The following DEUP1 variants were observed in gnomAD, a reference collection of about 807,000 sequenced individuals.
The protein encoded by DEUP1 is coiled-coil domain containing 67.
DEUP1 carries 82 observed loss-of-function variants against 87.4 expected under a neutral mutation model. The observed-to-expected ratio is 0.94, with a 90% CI of 0.78 to 1.13. The LOEUF (loss-of-function observed/expected upper bound fraction) is 1.13. DEUP1 is among the 50% of genes most tolerant of loss of function. The probability of loss-of-function intolerance (pLI) is 0.00; values close to 1 mark genes in which losing one functional copy is unlikely to be tolerated. For missense variants in DEUP1, 663 were observed against 681.5 expected (o/e 0.97, Z 0.30); for synonymous variants, 214 against 222.7 (o/e 0.96, Z 0.35).
chr11:93,380,945 C>T (rs12292127), intron 7 of DEUP1, among the ~76,000 whole-genome samples: 35,719 of 152,004 alleles, frequency 0.23, 4,599 homozygotes, highest in South Asian at 0.38. Context: ...TGTTGTAGAA[C>T]TAATGAAAAG....
chr11:93,341,216 G>A (rs1944054002), intron 2 of DEUP1, among the ~76,000 whole-genome samples: 1 of 150,740 alleles, frequency 6.6e-6, no homozygotes, highest in African/African-American at 2.4e-5. Context: ...CCAGGAGTTT[G>A]AGAACAGCCT....
intron 4 of DEUP1, among the ~76,000 whole-genome samples, chr11:93,363,639 G>T (rs1286232528): frequency 2.6e-5 from 4 of 151,670 alleles, no homozygotes; most frequent in African/African-American, 9.7e-5. Flanking sequence ...GTTATAAAAA[G>T]AATTATCATT....
intron 11 of DEUP1, among the ~76,000 whole-genome samples, chr11:93,404,026 T>A (rs1947197540): frequency 6.6e-6 from 1 of 152,042 alleles, no homozygotes; most frequent in African/African-American, 2.4e-5. Flanking sequence ...TCTAACCAAT[T>A]ATAGCTTTGA....
At chr11:93,367,624 T>A (rs1308219260) in intron 5 of DEUP1, among the ~76,000 whole-genome samples, 5 of 152,204 alleles carry the variant, frequency 3.3e-5, no homozygotes, top group Non-Finnish European at 5.9e-5. Flanking sequence ...CTTTCAAAAA[T>A]TTTTTTAAAT....
chr11:93,371,344 A>C, intron 7 of DEUP1, 64 bp downstream of exon 7: 1 of 1,453,366 alleles, frequency 6.9e-7, no homozygotes, highest in East Asian at 2.3e-5. Context: ...ACACATATAG[A>C]GATTAGAATG....
intron 2 of DEUP1, among the ~76,000 whole-genome samples, chr11:93,349,990 T>A (rs1053305124): frequency 1.2e-4 from 19 of 152,136 alleles, no homozygotes; most frequent in African/African-American, 4.3e-4. Context: ...GGAGACAGAA[T>A]AACTAAAAGT....
chr11:93,365,633 A>G (rs1945376960), intron 5 of DEUP1, among the ~76,000 whole-genome samples: 1 of 152,232 alleles, frequency 6.6e-6, no homozygotes, highest in Non-Finnish European at 1.5e-5. Flanking sequence ...TGCACATTTT[A>G]CATTTAGGAA....
intron 12 of DEUP1, among the ~76,000 whole-genome samples, chr11:93,410,693 T>G (rs1047951432): frequency 2.0e-5 from 3 of 152,212 alleles, no homozygotes; most frequent in Non-Finnish European, 4.4e-5. Flanking sequence ...ATACCAGGTG[T>G]TGTTATTTAA....
intron 2 of DEUP1, among the ~76,000 whole-genome samples, chr11:93,341,258 A>C (rs1040555233): frequency 2.6e-5 from 4 of 151,872 alleles, no homozygotes; most frequent in African/African-American, 9.7e-5. Context: ...TCTCTACAAA[A>C]AAAAAAAAAA....
At chr11:93,416,183 G>C (rs2446063) in intron 13 of DEUP1, among the ~76,000 whole-genome samples, 69,970 of 151,764 alleles carry the variant, frequency 0.46, 16,745 homozygotes, top group Admixed American at 0.6. Context: ...ACCAAAATCA[G>C]AGCAGAACTG....
chr11:93,389,390 T>C (rs1330478675), intron 9 of DEUP1, among the ~76,000 whole-genome samples: 2 of 152,194 alleles, frequency 1.3e-5, no homozygotes, highest in East Asian at 3.8e-4. Context: ...AGGTGGCTTA[T>C]AGCAAGAAAG....
Position 93,364,182 on chromosome 11 carries a change from T to C in DEUP1, c.320T>C (p.Phe107Ser), listed in dbSNP as rs1176640725. 10 of 1,594,662 alleles carry C rather than the reference T, an allele frequency of 6.3e-6. No individual in the cohort carries two copies. Among genetic ancestry groups the C allele is most frequent in the African/African-American group, 2.7e-5 (2 of 74,290 alleles). ...CAGTTTTCCAAACTAACAAATAACT[T>C]TGAAAAACTGAGATTACATCAGATG... ...KAQFSKLTNN[F>S]EKLRLHQMKQ... Residue 107 changes from phenylalanine (F) to serine (S), a missense_variant, in exon 5 of 14, where the codon TTT becomes TCT. Phe to Ser is a radical substitution (Grantham distance 155). Transcript: ENST00000298050.
At chr11:93,344,782 A>G (rs1944256442) in intron 2 of DEUP1, among the ~76,000 whole-genome samples, 1 of 152,162 alleles carries the variant, frequency 6.6e-6, no homozygotes, top group South Asian at 2.1e-4. Flanking sequence ...TCTGAAAGTC[A>G]TAATGGCATG....
intron 2 of DEUP1, among the ~76,000 whole-genome samples, chr11:93,332,919 G>A (rs1943563401): frequency 6.6e-6 from 1 of 152,190 alleles, no homozygotes; most frequent in East Asian, 1.9e-4. Flanking sequence ...TTTGGGGAAT[G>A]AAGGGGTGAA....
At chr11:93,420,856 G>A (rs891316702) in intron 13 of DEUP1, among the ~76,000 whole-genome samples, 7 of 116,718 alleles carry the variant, frequency 6.0e-5, no homozygotes, top group East Asian at 5.5e-4. Context: ...CAACTTACAA[G>A]GGATGTGAAG....
intron 7 of DEUP1, among the ~76,000 whole-genome samples, chr11:93,376,419 T>C (rs1447063762): frequency 6.6e-6 from 1 of 152,246 alleles, no homozygotes; most frequent in East Asian, 1.9e-4. Flanking sequence ...AAGGTGTTCA[T>C]AGTAGCCTTG....
intron 7 of DEUP1, among the ~76,000 whole-genome samples, chr11:93,372,393 A>G (rs111408744): frequency 1.3e-5 from 2 of 152,142 alleles, no homozygotes; most frequent in African/African-American, 4.8e-5. Context: ...AGCATACATG[A>G]TTGAGGTAAG....
At chr11:93,390,262 A>T (rs933810922) in intron 9 of DEUP1, among the ~76,000 whole-genome samples, 10 of 152,210 alleles carry the variant, frequency 6.6e-5, no homozygotes, top group Non-Finnish European at 1.3e-4. Context: ...CCATAAATAT[A>T]TAGGGTCATA....
At chr11:93,361,241 A>T (rs1439734969) in intron 4 of DEUP1, among the ~76,000 whole-genome samples, 1 of 152,136 alleles carries the variant, frequency 6.6e-6, no homozygotes. Context: ...AACTAAAAGG[A>T]TTTGTTGCTG....
Sources: allele counts gnomAD v4.1 joint callset (sites outside exome capture counted in the v4.1 genomes callset), GRCh38; gene constraint gnomAD v4.1.1; transcripts MANE v1.5; gene names NCBI Gene and HGNC (gene_info 2026-07-23, HGNC 2026-07-21).